The following SPC25 variants were observed in gnomAD, a reference collection of about 807,000 sequenced individuals.
The protein encoded by SPC25 is kinetochore protein Spc25.
A neutral mutation model predicts 29.6 loss-of-function variants in SPC25; 22 were observed. The ratio of observed to expected loss-of-function variants is 0.74; its 90% CI spans 0.53 to 1.06. The LOEUF (loss-of-function observed/expected upper bound fraction) is 1.06. Ranked by LOEUF, SPC25 falls within the 50% of genes least tolerant of loss-of-function variation. The pLI is 0.00. For synonymous variants in SPC25, 91 were observed against 90.4 expected (o/e 1.01, Z -0.04); for missense variants, 230 against 255.8 (o/e 0.90, Z 0.69).
chr2:168,883,000 C>T (rs1051942118), intron 3 of SPC25, among the ~76,000 whole-genome samples: 3 of 152,050 alleles, frequency 2.0e-5, no homozygotes, highest in Non-Finnish European at 4.4e-5. Context: ...ATATTTACCT[C>T]CTTTGACCCA....
intron 4 of SPC25, among the ~76,000 whole-genome samples, chr2:168,862,545 TAAG>T (rs1045726156): frequency 1.1e-4 from 7 of 61,120 alleles, no homozygotes; most frequent in Non-Finnish European, 2.9e-4. Flanking sequence ...CAACTTAGTG[TAAG>T]TAAGTGCAAA....
chr2:168,883,403 A>T (rs1395868213), intron 3 of SPC25, among the ~76,000 whole-genome samples: 1 of 152,198 alleles, frequency 6.6e-6, no homozygotes, highest in Non-Finnish European at 1.5e-5. Context: ...AGTATAATTT[A>T]AAAATAAACA....
At position 168,871,411 on chromosome 2, in the gene SPC25, T is replaced by G; in HGVS notation, c.*20A>C. ...AATAGAGAAGAAAAATAAACCGTTT[T>G]TATATACACTATTTGTATGTTAATT... is the stretch of plus-strand genomic sequence containing the variant. On this transcript the variant is annotated 3_prime_UTR_variant, in exon 7 of 7. Transcript: ENST00000282074. 6.4e-7 allele frequency: 1 copy of G among 1,573,696 alleles called. No individual in the cohort carries two copies. Among genetic ancestry groups the G allele is most frequent in the Non-Finnish European group, 8.6e-7 (1 of 1,167,808 alleles).
chr2:168,861,674 T>A (rs556998426), intron 4 of SPC25, among the ~76,000 whole-genome samples: 155 of 152,312 alleles, frequency 1.0e-3, no homozygotes, highest in Non-Finnish European at 1.9e-3. Context: ...AAAACATGCA[T>A]GCAATTACTA....
chr2:168,887,531 A>G (rs1018793432), intron 3 of SPC25, among the ~76,000 whole-genome samples: 2 of 152,224 alleles, frequency 1.3e-5, no homozygotes, highest in Non-Finnish European at 2.9e-5. Flanking sequence ...GGGCCACACA[A>G]TGAGTAAAGT....
At chr2:168,863,729 T>C in intron 4 of SPC25, 1 of 867,118 alleles carries the variant, frequency 1.2e-6, no homozygotes, top group Non-Finnish European at 1.4e-6. Context: ...ATTGTCTTGA[T>C]CTTAAGAAAA....
intron 3 of SPC25, among the ~76,000 whole-genome samples, chr2:168,881,746 T>G (rs563535601): frequency 1.3e-5 from 2 of 152,358 alleles, no homozygotes; most frequent in South Asian, 4.1e-4. Context: ...AATTCCAGTA[T>G]CATAATTACA....
intron 4 of SPC25, among the ~76,000 whole-genome samples, chr2:168,865,676 A>C (rs1203235601): frequency 6.6e-6 from 1 of 152,186 alleles, no homozygotes; most frequent in Non-Finnish European, 1.5e-5. Context: ...GAGGAAGTCA[A>C]ATTGTCCCTG....
intron 4 of SPC25, 25 bp downstream of exon 4, chr2:168,877,213 A>T: frequency 1.2e-6 from 2 of 1,608,332 alleles, no homozygotes; most frequent in Non-Finnish European, 1.7e-6. Context: ...ATTTTAGATC[A>T]GTATGTTTAT....
intron 3 of SPC25, among the ~76,000 whole-genome samples, chr2:168,881,618 T>C (rs1314801973): frequency 1.3e-5 from 2 of 152,218 alleles, no homozygotes; most frequent in African/African-American, 4.8e-5. Flanking sequence ...AATTTCTGAA[T>C]TAAAGATTTA....
At chr2:168,869,586 A>C (rs202051356), downstream of SPC25, among the ~76,000 whole-genome samples, 15 of 152,338 alleles carry the variant, frequency 9.8e-5, no homozygotes, top group South Asian at 6.2e-4. Context: ...GAGCCAAATC[A>C]TGAGTGAACT....
At chr2:168,878,520 T>C (rs942406931) in intron 3 of SPC25, among the ~76,000 whole-genome samples, 3 of 152,240 alleles carry the variant, frequency 2.0e-5, no homozygotes, top group Non-Finnish European at 4.4e-5. Context: ...AGCACTGTTA[T>C]TTAATATTTC....
In SPC25 at chr2:168,871,317, C is replaced by T; in HGVS notation, c.*114G>A. On this transcript the variant is annotated 3_prime_UTR_variant, in exon 7 of 7. Transcript: ENST00000282074. ...CATGTATACATATGTAACAAACCTG[C>T]ACATTGTGCACATGTACCCTAAAAC... The T allele has an allele frequency of 1.9e-6, 2 of 1,026,690 alleles. No homozygotes were observed. Among genetic ancestry groups the T allele is most frequent in the Non-Finnish European group, 2.7e-6 (2 of 728,288 alleles). The allele number at this position is 1,026,690 out of a possible 1,614,324, so 63.6% of individuals were successfully genotyped here. A position where few individuals can be genotyped will look rare whatever the true frequency, so the allele number is the denominator to read the frequency against.
chr2:168,865,130 A>G (rs62176770), intron 4 of SPC25: 40,418 of 762,820 alleles, frequency 0.053, 1,895 homozygotes, highest in African/African-American at 0.21. Context: ...ATTAGCTTGA[A>G]ACAGTCAGAA....
chr2:168,863,381 A>G (rs943812153), intron 4 of SPC25: 2 of 983,318 alleles, frequency 2.0e-6, no homozygotes, highest in Non-Finnish European at 2.4e-6. Flanking sequence ...TCTTAGAAAG[A>G]AAGTTGCTGA....
At chr2:168,882,969 T>C (rs1690201410) in intron 3 of SPC25, among the ~76,000 whole-genome samples, 3 of 152,072 alleles carry the variant, frequency 2.0e-5, no homozygotes, top group African/African-American at 7.2e-5. Context: ...TTTGACATTG[T>C]AAAATAAAAG....
In SPC25 at chr2:168,871,299, A is replaced by G. The variant is rs1364514224; in HGVS notation, c.*132T>C. The G allele has an allele frequency of 2.5e-6, 2 of 797,202 alleles. No individual in the cohort carries two copies. Among genetic ancestry groups the G allele is most frequent in the Admixed American group, 3.3e-5 (1 of 30,554 alleles). 49.4% of individuals were successfully genotyped at this position (797,202 alleles called of 1,614,324 possible). On this transcript the variant is annotated 3_prime_UTR_variant, in exon 7 of 7. Coordinates refer to ENST00000282074, the MANE Select transcript of SPC25 (RefSeq NM_020675.4). Reference sequence around the variant, plus strand: ...CAGCACACCAATATGGCACATGTATACATATGTAACAAACCTGCACATTGT... The same window carrying G: ...CAGCACACCAATATGGCACATGTATGCATATGTAACAAACCTGCACATTGT...
chr2:168,867,106 C>T (rs1423157370), downstream of SPC25, among the ~76,000 whole-genome samples: 1 of 152,056 alleles, frequency 6.6e-6, no homozygotes, highest in Non-Finnish European at 1.5e-5. Flanking sequence ...ACCATTTGAC[C>T]CAGCCATCCC....
downstream of SPC25, among the ~76,000 whole-genome samples, chr2:168,866,345 T>G (rs532068961): frequency 2.2e-3 from 336 of 152,366 alleles, no homozygotes; most frequent in African/African-American, 7.6e-3. Flanking sequence ...TATCTGATCT[T>G]TGACAAACCT....
Sources: allele counts gnomAD v4.1 joint callset (sites outside exome capture counted in the v4.1 genomes callset), GRCh38; gene constraint gnomAD v4.1.1; transcripts MANE v1.5; gene names NCBI Gene and HGNC (gene_info 2026-07-23, HGNC 2026-07-21).